The following ZFHX3 variants were observed in gnomAD, a reference collection of about 807,000 sequenced individuals.
ZFHX3 encodes zinc finger homeobox 3, also known as zinc finger homeobox protein 3.
In ZFHX3, 42 loss-of-function variants were observed where a neutral mutation model predicts 279.1. The ratio of observed to expected loss-of-function variants is 0.15; its 90% CI spans 0.12 to 0.19. The LOEUF (loss-of-function observed/expected upper bound fraction) is 0.19, where lower values mean the gene tolerates loss of function less well. Among genes scored for constraint, ZFHX3 ranks in the 10% least tolerant of loss-of-function variants. The pLI is 1.00. For synonymous variants in ZFHX3, 2,293 were observed against 1,957.8 expected (o/e 1.17, Z -4.52); for missense variants, 4,981 against 4,754.0 (o/e 1.05, Z -1.40).
chr16:73,424,568 G>A (rs902587386), intron 3 of ZFHX3, among the ~76,000 whole-genome samples: 2 of 151,948 alleles, frequency 1.3e-5, no homozygotes, highest in African/African-American at 2.4e-5. Context: ...AACGTAGCAA[G>A]ACCCTGTCTC....
intron 1 of ZFHX3, among the ~76,000 whole-genome samples, chr16:73,858,956 C>T (rs992043531): frequency 6.6e-6 from 1 of 152,176 alleles, no homozygotes; most frequent in Non-Finnish European, 1.5e-5. Context: ...ATCTATTTGT[C>T]CTTACATGAT....
intron 2 of ZFHX3, among the ~76,000 whole-genome samples, chr16:73,463,844 C>G (rs536098193): frequency 1.1e-3 from 165 of 152,348 alleles, no homozygotes; most frequent in Non-Finnish European, 2.1e-3. Context: ...AGACACACAC[C>G]TGCTGGAAAC....
intron 1 of ZFHX3, among the ~76,000 whole-genome samples, chr16:73,770,127 C>A (rs539722317): frequency 4.7e-4 from 72 of 152,156 alleles, no homozygotes; most frequent in Non-Finnish European, 6.9e-4. Context: ...ATCAGATGAC[C>A]TGATGATAGC....
At chr16:73,757,275 G>C (rs930608519) in intron 1 of ZFHX3, among the ~76,000 whole-genome samples, 2 of 152,110 alleles carry the variant, frequency 1.3e-5, no homozygotes, top group Admixed American at 6.6e-5. Context: ...GGGGTCCCTC[G>C]TGTCTGTGAG....
At chr16:73,802,663 C>T (rs1329064099) in intron 1 of ZFHX3, among the ~76,000 whole-genome samples, 1 of 152,194 alleles carries the variant, frequency 6.6e-6, no homozygotes, top group Non-Finnish European at 1.5e-5. Flanking sequence ...TAGAAATGGA[C>T]ACTGCTCTGC....
intron 5 of ZFHX3, among the ~76,000 whole-genome samples, chr16:73,192,516 G>C (rs1256064360): frequency 6.6e-6 from 1 of 152,174 alleles, no homozygotes; most frequent in East Asian, 1.9e-4. Flanking sequence ...GGACTCGACA[G>C]CTCCTGAGAA....
chr16:73,463,578 T>G (rs2143585511), intron 2 of ZFHX3, among the ~76,000 whole-genome samples: 1 of 152,358 alleles, frequency 6.6e-6, no homozygotes, highest in Non-Finnish European at 1.5e-5. Flanking sequence ...TCGTTATCTC[T>G]TCTTTTCTCT....
Position 72,812,882 on chromosome 16 carries a change from A to G in ZFHX3, c.3530-844T>C, listed in dbSNP as rs146072386. ...GTGGGAGGAGTTCTCTGAAGGATGGAAAGGAAACATTTCTTTATCTTCTCT... is the reference window on the plus strand; with the variant it reads ...GTGGGAGGAGTTCTCTGAAGGATGGGAAGGAAACATTTCTTTATCTTCTCT... On this transcript the variant is annotated intron_variant, in intron 5 of 9. Coordinates refer to ENST00000268489, the MANE Select transcript of ZFHX3 (RefSeq NM_006885.4). Among the ~76,000 whole-genome samples the G allele has an allele frequency of 1.4e-4, 21 of 152,330 alleles. No individual in the cohort carries two copies. In the East Asian group the frequency reaches 4.1e-3, roughly 29 times the overall value.
Position 72,950,874 on chromosome 16 carries a change from G to A in ZFHX3, c.2811C>T (p.Thr937=). ...LMNLGESFIQ[T]NDPSLKLFQC... is the part of the protein sequence containing the mutation. ...GGAAGAGCTTCAGCGACGGGTCGTT[G>A]GTCTGGATGAAGCTCTCGCCCAGGT... Residue 937 remains threonine (T), a synonymous_variant, in exon 3 of 10, where the codon ACC becomes ACT. Transcript: ENST00000268489. 1 of 1,614,038 alleles carries A rather than the reference G, an allele frequency of 6.2e-7. No homozygotes were observed. Among genetic ancestry groups the A allele is most frequent in the Non-Finnish European group, 8.5e-7 (1 of 1,180,036 alleles).
At chr16:73,488,873 C>G (rs750873328) in intron 2 of ZFHX3, among the ~76,000 whole-genome samples, 4 of 152,160 alleles carry the variant, frequency 2.6e-5, no homozygotes, top group Non-Finnish European at 4.4e-5. Context: ...TAACCACCCA[C>G]TATTTAGTGA....
chr16:73,308,600 C>G (rs1021162326), intron 4 of ZFHX3, among the ~76,000 whole-genome samples: 1 of 152,034 alleles, frequency 6.6e-6, no homozygotes, highest in African/African-American at 2.4e-5. Flanking sequence ...AGCCACCACG[C>G]CCAGCCTATT....
At chr16:73,246,931 T>C (rs1199201287) in intron 5 of ZFHX3, among the ~76,000 whole-genome samples, 1 of 152,212 alleles carries the variant, frequency 6.6e-6, no homozygotes, top group African/African-American at 2.4e-5. Context: ...TGTATGTGTG[T>C]ATTTGCTTCA....
intron 1 of ZFHX3, among the ~76,000 whole-genome samples, chr16:73,855,216 CTTTTTTTTT>C: frequency 9.0e-6 from 1 of 111,488 alleles, no homozygotes; most frequent in South Asian, 2.9e-4. Context: ...AGGCGTTAGC[CTTTTTTTTT>C]TTTTTTTTTT....
intron 1 of ZFHX3, among the ~76,000 whole-genome samples, chr16:73,764,003 C>G (rs1374536950): frequency 6.6e-6 from 1 of 152,216 alleles, no homozygotes; most frequent in East Asian, 1.9e-4. Context: ...ACACCTTGAT[C>G]TCAACCTTGT....
chr16:73,629,422 A>G (rs1029331886), intron 2 of ZFHX3, among the ~76,000 whole-genome samples: 1 of 152,036 alleles, frequency 6.6e-6, no homozygotes, highest in Non-Finnish European at 1.5e-5. Flanking sequence ...GGTGTTTATG[A>G]TTCATATTAC....
chr16:72,787,257 G>GAC lies in ZFHX3; in HGVS notation c.11018_11019insGT (p.Asp3673GlufsTer22). The GAC allele has an allele frequency of 6.2e-7, 1 of 1,614,064 alleles. No individual in the cohort carries two copies. Among genetic ancestry groups the GAC allele is most frequent in the Non-Finnish European group, 8.5e-7 (1 of 1,180,022 alleles). On this transcript the variant is annotated frameshift_variant, in exon 10 of 10. Coordinates refer to ENST00000268489, the MANE Select transcript of ZFHX3 (RefSeq NM_006885.4). LOFTEE classifies it high-confidence loss of function. ...GACCCTCCACCGGGCTCGCCGGTCCGTCGGACTTTTGGCTGAGATCCGTGT... is the reference window on the plus strand; with the variant it reads ...GACCCTCCACCGGGCTCGCCGGTCCGACTCGGACTTTTGGCTGAGATCCGTGT...
At chr16:73,246,412 A>G (rs1034385273) in intron 5 of ZFHX3, among the ~76,000 whole-genome samples, 5 of 152,184 alleles carry the variant, frequency 3.3e-5, no homozygotes, top group Non-Finnish European at 5.9e-5. Flanking sequence ...AAGACTCAGG[A>G]TCAGAAGTCT....
intron 2 of ZFHX3, among the ~76,000 whole-genome samples, chr16:73,658,391 T>C (rs1175445167): frequency 1.3e-5 from 2 of 152,178 alleles, no homozygotes; most frequent in East Asian, 3.9e-4. Flanking sequence ...CCACAACCTC[T>C]GCTTCCTGGG....
intron 1 of ZFHX3, among the ~76,000 whole-genome samples, chr16:73,834,271 T>G (rs1351941892): frequency 6.6e-6 from 1 of 152,200 alleles, no homozygotes; most frequent in Non-Finnish European, 1.5e-5. Flanking sequence ...AATAACACCT[T>G]TGCATCTTGC....
Sources: allele counts gnomAD v4.1 joint callset (sites outside exome capture counted in the v4.1 genomes callset), GRCh38; gene constraint gnomAD v4.1.1; transcripts MANE v1.5; gene names NCBI Gene and HGNC (gene_info 2026-07-23, HGNC 2026-07-21).